Variants in ZNF814 observed in about 807,000 individuals in gnomAD.
ZNF814 encodes zinc finger protein 814.
In ZNF814, 5 loss-of-function variants were observed where a neutral mutation model predicts 7.5. The ratio of observed to expected loss-of-function variants is 0.67; its 90% CI spans 0.35 to 1.40. The LOEUF (loss-of-function observed/expected upper bound fraction) is 1.40, where lower values mean the gene tolerates loss of function less well. Ranked by LOEUF, ZNF814 falls within the 40% of genes most tolerant of loss-of-function variation. The pLI is 0.04. For missense variants in ZNF814, 962 were observed against 1,018.0 expected (o/e 0.94, Z 0.75); for synonymous variants, 315 against 340.7 (o/e 0.92, Z 0.83).
intron 1 of ZNF814, among the ~76,000 whole-genome samples, chr19:57,887,903 T>C (rs2071706301): frequency 6.6e-6 from 1 of 152,172 alleles, no homozygotes; most frequent in Non-Finnish European, 1.5e-5. Flanking sequence ...TTTGTAACCA[T>C]TTGTCTTTTA....
the ZNF814 span, among the ~76,000 whole-genome samples, chr19:57,894,992 G>T: frequency 6.6e-6 from 1 of 152,094 alleles, no homozygotes; most frequent in Non-Finnish European, 1.5e-5. Context: ...AGGCACACAG[G>T]GGAAGAGTAT....
At chr19:57,875,876 A>G (rs1267314561) in intron 2 of ZNF814, among the ~76,000 whole-genome samples, 1 of 151,612 alleles carries the variant, frequency 6.6e-6, no homozygotes, top group Non-Finnish European at 1.5e-5. Context: ...AACTACTACT[A>G]AAATAGAACA....
At position 57,870,995 on chromosome 19, in the gene ZNF814, AAAAG is replaced by A. The variant is rs1243071972; in HGVS notation, c.*1823_*1826del. On this transcript the variant is annotated 3_prime_UTR_variant, in exon 3 of 3. Coordinates refer to ENST00000435989, the MANE Select transcript of ZNF814 (RefSeq NM_001144989.2). ...GCTCTGCCTCAAAAAAAAAGAAAAA[AAAAG>A]AAAAAAAAGACATGAGTTGCAGTTA... is the stretch of plus-strand genomic sequence containing the variant. 3 of 152,184 alleles carry A rather than the reference AAAAG, an allele frequency of 2.0e-5. No homozygotes were observed. Among genetic ancestry groups the A allele is most frequent in the Non-Finnish European group, 4.4e-5 (3 of 68,030 alleles). The allele number at this position is 152,184 out of a possible 1,614,324, so 9.4% of individuals were successfully genotyped here. A position where few individuals can be genotyped will look rare whatever the true frequency, so the allele number is the denominator to read the frequency against.
the ZNF814 span, among the ~76,000 whole-genome samples, chr19:57,898,642 T>C: frequency 6.6e-6 from 1 of 152,134 alleles, no homozygotes; most frequent in Non-Finnish European, 1.5e-5. Context: ...ATTCTCCTGT[T>C]TGTTATTAAG....
intron 1 of ZNF814, among the ~76,000 whole-genome samples, chr19:57,887,591 C>A (rs2071703143): frequency 6.6e-6 from 1 of 152,218 alleles, no homozygotes; most frequent in African/African-American, 2.4e-5. Context: ...CTCGTTTCCA[C>A]ATGAATAGAC....
rs1479355346 is a variant in ZNF814 at position 57,873,015 on chromosome 19, C to T, written c.2375G>A (p.Arg792Lys). 4 of 1,613,764 alleles carry T rather than the reference C, an allele frequency of 2.5e-6. No homozygotes were observed. In the East Asian group the frequency reaches 8.9e-5, roughly 36 times the overall value. The change falls in exon 3 of 3, where the codon AGA (arginine) becomes AAA (lysine). Residue 792 changes from arginine to lysine, a missense_variant. Physicochemically the swap from Arg to Lys is conservative, Grantham distance 26. Transcript: ENST00000435989. Reference protein sequence around the residue: ...AESSSFTKHKRVHTGEKPYEC... With the variant: ...AESSSFTKHKKVHTGEKPYEC... ...ATAAGGCTTTTCTCCAGTGTGAACT[C>T]TTTTGTGTTTTGTGAAACTGGAGCT...
chr19:57,882,737 T>C (rs1386964996), intron 1 of ZNF814, among the ~76,000 whole-genome samples: 1 of 147,878 alleles, frequency 6.8e-6, no homozygotes, highest in Non-Finnish European at 1.5e-5. Context: ...TCAGCTTAGA[T>C]CACAACACCC....
chr19:57,902,580 C>T, the ZNF814 span, among the ~76,000 whole-genome samples: 3 of 140,108 alleles, frequency 2.1e-5, no homozygotes, highest in South Asian at 2.3e-4. Flanking sequence ...TAAATATGTT[C>T]TCTCTTTTCT....
upstream of ZNF814, among the ~76,000 whole-genome samples, chr19:57,892,999 TATTTTGCTC>T (rs2071741065): frequency 6.6e-6 from 1 of 152,092 alleles, no homozygotes. Context: ...TTGTCACACG[TATTTTGCTC>T]TGGCCAGAAT....
At chr19:57,875,955 T>TTTTTTTG in intron 2 of ZNF814, among the ~76,000 whole-genome samples, 1 of 110,876 alleles carries the variant, frequency 9.0e-6, no homozygotes, top group Non-Finnish European at 1.8e-5. Context: ...TTTTTTTTTT[T>TTTTTTTG]TTTTTTTTTT....
In ZNF814 at chr19:57,870,255, T is replaced by C. The variant is rs2071546153; in HGVS notation, c.*2567A>G. Reference sequence around the variant, plus strand: ...CAAGACTCCGTCTCAAAATAAATAATAATAATAATTAAAAAAATGCAGTTC... The same window carrying C: ...CAAGACTCCGTCTCAAAATAAATAACAATAATAATTAAAAAAATGCAGTTC... On this transcript the variant is annotated 3_prime_UTR_variant, in exon 3 of 3. Transcript: ENST00000435989. The C allele has an allele frequency of 6.6e-6, 1 of 151,980 alleles. No individual in the cohort carries two copies. Among genetic ancestry groups the C allele is most frequent in the Non-Finnish European group, 1.5e-5 (1 of 67,992 alleles). 9.4% of individuals were successfully genotyped at this position (151,980 alleles called of 1,614,324 possible).
At chr19:57,889,387 T>A (rs1419646105), upstream of ZNF814, among the ~76,000 whole-genome samples, 2 of 151,910 alleles carry the variant, frequency 1.3e-5, no homozygotes, top group African/African-American at 4.8e-5. Context: ...CTACAAAAAA[T>A]AAAAAATATT....
upstream of ZNF814, among the ~76,000 whole-genome samples, chr19:57,893,875 G>T (rs1384265478): frequency 6.6e-6 from 1 of 150,930 alleles, no homozygotes; most frequent in East Asian, 2.0e-4. Context: ...AGCTGAGATT[G>T]CACCATTGCA....
intron 1 of ZNF814, among the ~76,000 whole-genome samples, 183 bp downstream of exon 1, chr19:57,888,584 A>AAGGCCTT (rs919093584): frequency 6.6e-6 from 1 of 152,066 alleles, no homozygotes; most frequent in Non-Finnish European, 1.5e-5. Flanking sequence ...TGCCCGCGCC[A>AAGGCCTT]GTCCCTGTAC....
chr19:57,904,384 G>A, the ZNF814 span, among the ~76,000 whole-genome samples: 4 of 152,126 alleles, frequency 2.6e-5, no homozygotes, highest in Non-Finnish European at 5.9e-5. Flanking sequence ...CCCACCCTAT[G>A]TACTCTTGTC....
At chr19:57,891,238 A>T (rs1332088724), upstream of ZNF814, among the ~76,000 whole-genome samples, 1 of 152,132 alleles carries the variant, frequency 6.6e-6, no homozygotes, top group African/African-American at 2.4e-5. Flanking sequence ...ATAATCAAGA[A>T]ATAGGGGCCA....
At chr19:57,886,141 T>C (rs1348740084) in intron 1 of ZNF814, among the ~76,000 whole-genome samples, 2 of 152,126 alleles carry the variant, frequency 1.3e-5, no homozygotes, top group Non-Finnish European at 1.5e-5. Flanking sequence ...TCGGGGTCAG[T>C]ACCAGTGAGG....
In ZNF814 at chr19:57,872,703, A is replaced by G; in HGVS notation, c.*119T>C. 1 of 1,602,012 alleles carries G rather than the reference A, an allele frequency of 6.2e-7. No individual in the cohort carries two copies. Among genetic ancestry groups the G allele is most frequent in the Non-Finnish European group, 8.5e-7 (1 of 1,172,754 alleles). On this transcript the variant is annotated 3_prime_UTR_variant, in exon 3 of 3. Coordinates refer to ENST00000435989, the MANE Select transcript of ZNF814 (RefSeq NM_001144989.2). Reference sequence around the variant, plus strand: ...ACTCTCTTATGAACACAGAATGCAGAGCTGTGGGTAGATGACTTCCCACAA... The same window carrying G: ...ACTCTCTTATGAACACAGAATGCAGGGCTGTGGGTAGATGACTTCCCACAA...
intron 1 of ZNF814, among the ~76,000 whole-genome samples, 176 bp downstream of exon 1, chr19:57,888,591 G>A (rs2071712591): frequency 1.3e-5 from 2 of 152,126 alleles, no homozygotes; most frequent in South Asian, 2.1e-4. Context: ...GCCAGTCCCT[G>A]TACCTGCCGG....
Sources: gnomAD v4.1 joint callset for allele counts (sites outside exome capture counted in the v4.1 genomes callset) on GRCh38, gnomAD v4.1.1 for gene constraint, MANE v1.5 for transcripts, NCBI Gene and HGNC (gene_info 2026-07-23, HGNC 2026-07-21) for gene names.